ATG10: variants seen among roughly 807,000 people sequenced by gnomAD.
The protein encoded by ATG10 is autophagy related 10, also known as ubiquitin-like-conjugating enzyme ATG10.
Under a neutral mutation model 32.1 loss-of-function variants are expected in ATG10, and 30 were observed. That is an observed-to-expected ratio of 0.94 (90% CI 0.70 to 1.27). The LOEUF is 1.27. ATG10 is among the 50% of genes most tolerant of loss of function. The pLI is 0.00. For synonymous variants in ATG10, 87 were observed against 91.5 expected, an observed-to-expected ratio of 0.95 and a Z score of 0.28; for missense variants, 233 against 262.3, an observed-to-expected ratio of 0.89 and a Z score of 0.77.
chr5:82,055,719 A>G (rs185441203), intron 2 of ATG10, among the ~76,000 whole-genome samples: 16 of 152,242 alleles, frequency 1.1e-4, no homozygotes, highest in African/African-American at 3.9e-4. Flanking sequence ...TTTTCTCTCA[A>G]ACACATGCTA....
chr5:82,228,627 T>C (rs2150002362), intron 5 of ATG10, among the ~76,000 whole-genome samples: 1 of 152,376 alleles, frequency 6.6e-6, no homozygotes, highest in South Asian at 2.1e-4. Flanking sequence ...TTATTTTCAA[T>C]TGAATGCATT....
At chr5:82,002,985 A>G (rs1368025722) in intron 2 of ATG10, among the ~76,000 whole-genome samples, 2 of 152,224 alleles carry the variant, frequency 1.3e-5, no homozygotes, top group Non-Finnish European at 2.9e-5. Flanking sequence ...ACCTAAGAAC[A>G]CAGTATTTTG....
chr5:81,998,131 C>G (rs150354132), intron 2 of ATG10, among the ~76,000 whole-genome samples: 266 of 152,222 alleles, frequency 1.7e-3, no homozygotes, highest in African/African-American at 6.2e-3. Flanking sequence ...TTAAAGGCAG[C>G]TAGAGAGAAG....
chr5:82,087,372 A>C (rs1764728805), intron 3 of ATG10, among the ~76,000 whole-genome samples: 1 of 152,038 alleles, frequency 6.6e-6, no homozygotes, highest in Non-Finnish European at 1.5e-5. Flanking sequence ...ATTATTATTA[A>C]TTGGGCTTAG....
intron 3 of ATG10, among the ~76,000 whole-genome samples, chr5:82,139,955 C>A (rs1213696708): frequency 7.8e-6 from 1 of 128,840 alleles, no homozygotes; most frequent in Non-Finnish European, 1.7e-5. Flanking sequence ...GTCAGCCCTC[C>A]GCCCGGCCAG....
At chr5:82,090,394 T>C (rs922296062) in intron 3 of ATG10, among the ~76,000 whole-genome samples, 1 of 152,180 alleles carries the variant, frequency 6.6e-6, no homozygotes, top group African/African-American at 2.4e-5. Context: ...TTAAACAAAC[T>C]GTGGCACATC....
intron 5 of ATG10, among the ~76,000 whole-genome samples, chr5:82,226,478 A>G (rs1746136944): frequency 6.6e-6 from 1 of 152,150 alleles, no homozygotes; most frequent in Non-Finnish European, 1.5e-5. Flanking sequence ...AAACAATCCT[A>G]TTACCAAAAG....
At chr5:82,112,416 T>A (rs1191676513) in intron 3 of ATG10, among the ~76,000 whole-genome samples, 1 of 151,908 alleles carries the variant, frequency 6.6e-6, no homozygotes, top group Non-Finnish European at 1.5e-5. Flanking sequence ...GGGGGGTAAT[T>A]TAGTCTTCTG....
intron 3 of ATG10, among the ~76,000 whole-genome samples, chr5:82,139,041 G>T (rs1377800563): frequency 6.7e-6 from 1 of 150,148 alleles, no homozygotes; most frequent in Non-Finnish European, 1.5e-5. Flanking sequence ...ACGGGGTTTC[G>T]CTGTGTTGGC....
intron 3 of ATG10, among the ~76,000 whole-genome samples, chr5:82,094,350 C>G (rs1360034659): frequency 6.6e-6 from 1 of 152,080 alleles, no homozygotes; most frequent in Non-Finnish European, 1.5e-5. Flanking sequence ...AAGTAGAAAT[C>G]TTCAGAAGCC....
At chr5:82,253,027 C>T (rs1254289200) in intron 6 of ATG10, among the ~76,000 whole-genome samples, 1 of 152,178 alleles carries the variant, frequency 6.6e-6, no homozygotes, top group Non-Finnish European at 1.5e-5. Flanking sequence ...TTAGTAAGTG[C>T]TGTAAACTGT....
At chr5:82,035,073 G>GACC (rs1762871340) in intron 2 of ATG10, among the ~76,000 whole-genome samples, 1 of 151,994 alleles carries the variant, frequency 6.6e-6, no homozygotes, top group Non-Finnish European at 1.5e-5. Flanking sequence ...CACCATGCCT[G>GACC]ACCAATTTTT....
chr5:82,015,532 A>G (rs1762260042), intron 2 of ATG10, among the ~76,000 whole-genome samples: 1 of 152,142 alleles, frequency 6.6e-6, no homozygotes, highest in Non-Finnish European at 1.5e-5. Flanking sequence ...GTGTCTTTTT[A>G]TTCTTTTTTC....
intron 4 of ATG10, among the ~76,000 whole-genome samples, chr5:82,169,820 A>G (rs1260898241): frequency 6.6e-6 from 1 of 152,244 alleles, no homozygotes; most frequent in Non-Finnish European, 1.5e-5. Context: ...TTATCTAACT[A>G]ATACAAATAT....
chr5:82,018,166 G>A (rs1762338664), intron 2 of ATG10, among the ~76,000 whole-genome samples: 1 of 152,118 alleles, frequency 6.6e-6, no homozygotes. Flanking sequence ...TCCCAAACTT[G>A]TTCACCTACT....
At chr5:82,042,413 C>G (rs541460408) in intron 2 of ATG10, among the ~76,000 whole-genome samples, 1 of 152,234 alleles carries the variant, frequency 6.6e-6, no homozygotes, top group Admixed American at 6.5e-5. Flanking sequence ...GAGATTTGGG[C>G]GGGGATACAA....
chr5:82,019,818 A>G (rs1237937398), intron 2 of ATG10, among the ~76,000 whole-genome samples: 1 of 152,210 alleles, frequency 6.6e-6, no homozygotes, highest in Non-Finnish European at 1.5e-5. Context: ...GTTGAGAACA[A>G]TAGTGGGGCT....
chr5:82,118,618 A>G (rs1265396012), intron 3 of ATG10, among the ~76,000 whole-genome samples: 4 of 151,860 alleles, frequency 2.6e-5, no homozygotes, highest in Non-Finnish European at 5.9e-5. Context: ...TATATTTTGG[A>G]CATATTGAAT....
chr5:82,198,595 A>G (rs1744948918), intron 5 of ATG10, among the ~76,000 whole-genome samples: 1 of 152,184 alleles, frequency 6.6e-6, no homozygotes. Flanking sequence ...CTGTAGTTTT[A>G]GCCTTAACTG....
Sources: allele counts gnomAD v4.1 joint callset (sites outside exome capture counted in the v4.1 genomes callset), GRCh38; gene constraint gnomAD v4.1.1; transcripts MANE v1.5; gene names NCBI Gene and HGNC (gene_info 2026-07-23, HGNC 2026-07-21).